DARS1: variants seen among roughly 807,000 people sequenced by gnomAD.
DARS1 encodes aspartyl-tRNA synthetase 1, also known as aspartate--tRNA ligase, cytoplasmic.
Under a neutral mutation model 68.8 loss-of-function variants are expected in DARS1, and 51 were observed. The observed-to-expected ratio is 0.74, with a 90% CI of 0.59 to 0.94. DARS1 has a LOEUF of 0.94. Ranked by LOEUF, DARS1 falls within the 40% of genes least tolerant of loss-of-function variation. The probability of loss-of-function intolerance (pLI) is 0.00; values close to 1 mark genes in which losing one functional copy is unlikely to be tolerated. For synonymous variants in DARS1, 203 were observed against 190.4 expected (o/e 1.07, Z -0.55); for missense variants, 607 against 597.3 (o/e 1.02, Z -0.17).
intron 3 of DARS1, among the ~76,000 whole-genome samples, chr2:135,974,577 AC>A (rs1682455833): frequency 1.3e-5 from 2 of 152,282 alleles, no homozygotes; most frequent in South Asian, 4.1e-4. Context: ...ACTTTTTAAA[AC>A]TTTGCCATTT....
chr2:135,937,720 T>C (rs1040820421), intron 5 of DARS1, among the ~76,000 whole-genome samples: 5 of 152,336 alleles, frequency 3.3e-5, no homozygotes, highest in African/African-American at 1.2e-4. Flanking sequence ...TGCTTGTCTG[T>C]AAAGGATTTT....
intron 3 of DARS1, among the ~76,000 whole-genome samples, chr2:135,961,754 C>A (rs926820102): frequency 2.0e-5 from 3 of 152,114 alleles, no homozygotes; most frequent in South Asian, 2.1e-4. Context: ...AGGCAAATCA[C>A]CAATTTCAAA....
At chr2:135,920,740 C>T (rs1681096128) in intron 9 of DARS1, 140 bp from the exon 10 acceptor site, 1 of 1,130,728 alleles carries the variant, frequency 8.8e-7, no homozygotes, top group Non-Finnish European at 1.2e-6. Flanking sequence ...CTCTGATGAA[C>T]CATCTGTTTG....
intron 2 of DARS1, among the ~76,000 whole-genome samples, chr2:135,981,522 G>C (rs1202760694): frequency 6.6e-6 from 1 of 152,134 alleles, no homozygotes; most frequent in African/African-American, 2.4e-5. Context: ...GGATGCTCAA[G>C]TGGTAAATAT....
At chr2:135,977,193 T>C (rs1299868154) in intron 3 of DARS1, among the ~76,000 whole-genome samples, 2 of 152,242 alleles carry the variant, frequency 1.3e-5, no homozygotes, top group East Asian at 1.9e-4. Flanking sequence ...AAATACTTTA[T>C]AAATATTACT....
At chr2:135,984,117 G>T (rs1436014454) in intron 1 of DARS1, among the ~76,000 whole-genome samples, 1 of 151,984 alleles carries the variant, frequency 6.6e-6, no homozygotes, top group Non-Finnish European at 1.5e-5. Flanking sequence ...GAAGACCTAG[G>T]GTCCAATCTG....
At chr2:135,930,528 C>T (rs1558783189) in intron 7 of DARS1, among the ~76,000 whole-genome samples, 1 of 152,186 alleles carries the variant, frequency 6.6e-6, no homozygotes, top group Non-Finnish European at 1.5e-5. Flanking sequence ...CCTCACACTA[C>T]TAGTCTTATC....
At chr2:135,911,708 T>A (rs1680900741) in intron 13 of DARS1, 1 of 419,872 alleles carries the variant, frequency 2.4e-6, no homozygotes, top group Admixed American at 4.2e-5. Flanking sequence ...CACCCCCCAA[T>A]AACAAATCAG....
At chr2:135,925,524 T>C (rs891866747) in intron 7 of DARS1, among the ~76,000 whole-genome samples, 2 of 152,210 alleles carry the variant, frequency 1.3e-5, no homozygotes, top group African/African-American at 2.4e-5. Flanking sequence ...CTCTAAAGAA[T>C]GATATTTAAA....
intron 5 of DARS1, among the ~76,000 whole-genome samples, chr2:135,937,119 CACTT>C (rs1235075640): frequency 2.0e-5 from 3 of 152,060 alleles, no homozygotes; most frequent in South Asian, 4.2e-4. Flanking sequence ...GATGGGGTCT[CACTT>C]AGTCACGCAG....
intron 4 of DARS1, among the ~76,000 whole-genome samples, chr2:135,955,224 T>A (rs565600633): frequency 3.9e-5 from 6 of 152,126 alleles, no homozygotes; most frequent in Admixed American, 2.6e-4. Flanking sequence ...TATATATCCT[T>A]ATATCAACAA....
intron 3 of DARS1, among the ~76,000 whole-genome samples, chr2:135,963,282 G>GT (rs1682140133): frequency 6.6e-6 from 1 of 152,088 alleles, no homozygotes; most frequent in East Asian, 1.9e-4. Flanking sequence ...AATGGAGACG[G>GT]TAAGAGTCAT....
intron 4 of DARS1, among the ~76,000 whole-genome samples, chr2:135,948,874 C>CT (rs1681781904): frequency 8.6e-6 from 1 of 116,682 alleles, no homozygotes; most frequent in African/African-American, 3.9e-5. Context: ...CGTCTCCCGT[C>CT]TCCAAAAAAA....
At position 135,977,688 on chromosome 2, in the gene DARS1, T is replaced by C. The variant is rs539788335; in HGVS notation, c.217+1586A>G. 2.4e-4 allele frequency among the ~76,000 whole-genome samples: 36 copies of C among 152,292 alleles called. No individual in the cohort carries two copies. In the East Asian group the frequency reaches 6.9e-3, roughly 29 times the overall value. ...ATTTAAAACTCCACCAGTACTCTTC[T>C]CAAAGTCTGTCAGTATTCATCAGGG... On this transcript the variant is annotated intron_variant, in intron 3 of 15. Transcript: ENST00000264161.
chr2:135,975,243 G>A (rs920275278), intron 3 of DARS1, among the ~76,000 whole-genome samples: 1 of 152,224 alleles, frequency 6.6e-6, no homozygotes, highest in Admixed American at 6.5e-5. Context: ...TACTTGGGAG[G>A]CTGAGGCAGG....
Position 135,934,506 on chromosome 2 carries a change from C to T in DARS1, c.424-516G>A, listed in dbSNP as rs1339844005. Among the ~76,000 whole-genome samples the T allele has an allele frequency of 2.6e-5, 4 of 151,920 alleles. No homozygotes were observed. The East Asian group carries it at 7.8e-4, about 30-fold the overall frequency. On this transcript the variant is annotated intron_variant, in intron 5 of 15. Transcript: ENST00000264161. ...GCATGGTGGCACGTGCCTAAAATCC[C>T]AGCTACTTGGGTGGCTGAGGCACAA...
chr2:135,978,621 T>G (rs996514969), intron 3 of DARS1, among the ~76,000 whole-genome samples: 1 of 152,234 alleles, frequency 6.6e-6, no homozygotes, highest in Non-Finnish European at 1.5e-5. Flanking sequence ...ACAGGGTCTG[T>G]CTAAATGATC....
At chr2:135,961,245 T>G in intron 4 of DARS1, 151 bp downstream of exon 4, 1 of 587,712 alleles carries the variant, frequency 1.7e-6, no homozygotes. Context: ...GTAAGTTTAA[T>G]GTATTCAGCA....
At chr2:135,934,937 G>A (rs1681434731) in intron 5 of DARS1, among the ~76,000 whole-genome samples, 1 of 151,464 alleles carries the variant, frequency 6.6e-6, no homozygotes, top group South Asian at 2.1e-4. Flanking sequence ...TGGGACTACA[G>A]GCACGTGCCA....
Sources: gnomAD v4.1 joint callset for allele counts (sites outside exome capture counted in the v4.1 genomes callset) on GRCh38, gnomAD v4.1.1 for gene constraint, MANE v1.5 for transcripts, NCBI Gene and HGNC (gene_info 2026-07-23, HGNC 2026-07-21) for gene names.